Variants in LRP2 observed in about 807,000 individuals in gnomAD.
The protein encoded by LRP2 is LDL receptor related protein 2, also known as low-density lipoprotein receptor-related protein 2.
LRP2 carries 172 observed loss-of-function variants against 531.0 expected under a neutral mutation model. That is an observed-to-expected ratio of 0.32 (90% CI 0.29 to 0.37). LRP2 has a LOEUF of 0.37. Among genes scored for constraint, LRP2 ranks in the 10% least tolerant of loss-of-function variants. LRP2 has a pLI of 1.00. For synonymous variants in LRP2, 1,992 were observed against 2,027.6 expected, an observed-to-expected ratio of 0.98 and a Z score of 0.47; for missense variants, 5,167 against 5,868.3, an observed-to-expected ratio of 0.88 and a Z score of 3.90.
chr2:169,293,632 G>A (rs546413471), intron 6 of LRP2, among the ~76,000 whole-genome samples: 46 of 152,152 alleles, frequency 3.0e-4, no homozygotes, highest in South Asian at 1.0e-3. Context: ...CCGAGATCGC[G>A]CCACTGTACT....
At chr2:169,266,316 C>T (rs1204936734) in intron 16 of LRP2, among the ~76,000 whole-genome samples, 2 of 151,668 alleles carry the variant, frequency 1.3e-5, no homozygotes, top group African/African-American at 4.8e-5. Flanking sequence ...AACATGGAGA[C>T]AAACAAAAGA....
intron 65 of LRP2, 147 bp downstream of exon 65, chr2:169,156,127 G>A: frequency 1.0e-6 from 1 of 962,828 alleles, no homozygotes; most frequent in Non-Finnish European, 1.6e-6. Context: ...CGACTAAAGA[G>A]GTGTTGGAAG....
chr2:169,261,749 C>T (rs983424966), intron 16 of LRP2, among the ~76,000 whole-genome samples: 6 of 152,046 alleles, frequency 3.9e-5, no homozygotes, highest in African/African-American at 1.4e-4. Flanking sequence ...TTTTATGAGG[C>T]CAGCATCATC....
At chr2:169,156,171 A>G in intron 65 of LRP2, 103 bp downstream of exon 65, 1 of 1,522,166 alleles carries the variant, frequency 6.6e-7, no homozygotes, top group Non-Finnish European at 9.0e-7. Context: ...AAAAAGAAAG[A>G]AAAGAAAAAC....
Position 169,338,409 on chromosome 2 carries a change from A to AAAGAAAG in LRP2, c.80-17526_80-17525insCTTTCTT, listed in dbSNP as rs1165724071. On this transcript the variant is annotated intron_variant, in intron 1 of 78. Transcript: ENST00000649046. ...GAAAGAAAGAAAGAAAGAAAGAAAG[A>AAAGAAAG]AAAGAAAAGAAAAGAAAAAAGGAGG... Among the ~76,000 whole-genome samples the AAAGAAAG allele has an allele frequency of 1.2e-3, 124 of 100,878 alleles. 1 individual carries two copies. Among genetic ancestry groups the AAAGAAAG allele is most frequent in the Admixed American group, 3.7e-3 (38 of 10,404 alleles). 66.2% of individuals were successfully genotyped at this position (100,878 alleles called of 152,430 possible). A position where few individuals can be genotyped will look rare whatever the true frequency, so the allele number is the denominator to read the frequency against.
chr2:169,154,415 T>C (rs1474480698), intron 66 of LRP2, 45 bp downstream of exon 66: 2 of 1,569,902 alleles, frequency 1.3e-6, no homozygotes, highest in African/African-American at 2.7e-5. Context: ...TAAAATTCTA[T>C]AAAGTCACTT....
chr2:169,187,863 G>C, intron 49 of LRP2, 107 bp downstream of exon 49: 4 of 1,214,254 alleles, frequency 3.3e-6, no homozygotes, highest in Non-Finnish European at 2.4e-6. Flanking sequence ...TGATTTTATG[G>C]TAACTTTGTA....
At chr2:169,227,379 C>T (rs1689238628) in intron 31 of LRP2, among the ~76,000 whole-genome samples, 1 of 152,176 alleles carries the variant, frequency 6.6e-6, no homozygotes, top group Non-Finnish European at 1.5e-5. Context: ...TTTAAACATT[C>T]CCATAATATC....
intron 15 of LRP2, among the ~76,000 whole-genome samples, chr2:169,272,041 T>C (rs1294663934): frequency 1.3e-5 from 2 of 152,120 alleles, no homozygotes; most frequent in Non-Finnish European, 2.9e-5. Flanking sequence ...GAAATACATG[T>C]TGTTTTTAAT....
At chr2:169,191,758 G>T in intron 48 of LRP2, 74 bp downstream of exon 48, 3 of 1,278,710 alleles carry the variant, frequency 2.3e-6, no homozygotes, top group Non-Finnish European at 2.3e-6. Context: ...GCCACGGGGT[G>T]CCTGATAGGT....
chr2:169,148,792 T>C (rs536280383), intron 68 of LRP2, among the ~76,000 whole-genome samples: 26 of 152,344 alleles, frequency 1.7e-4, no homozygotes, highest in East Asian at 3.9e-4. Flanking sequence ...CCTGAGCTTC[T>C]GAACAGCCGG....
chr2:169,265,116 T>C (rs1053981163), intron 16 of LRP2, among the ~76,000 whole-genome samples: 10 of 140,872 alleles, frequency 7.1e-5, no homozygotes, highest in African/African-American at 1.9e-4. Context: ...ACCACCATCT[T>C]CCCACATCTT....
chr2:169,146,798 T>C lies in LRP2; in HGVS notation c.12752A>G (p.Glu4251Gly), dbSNP rs753902178. 5.0e-6 allele frequency: 8 copies of C among 1,614,210 alleles called. No individual in the cohort carries two copies. Among genetic ancestry groups the C allele is most frequent in the Non-Finnish European group, 6.8e-6 (8 of 1,180,014 alleles). The change falls in exon 69 of 79, where the codon GAG becomes GGG. Residue 4251 changes from glutamate (E) to glycine (G), a missense_variant. Glu to Gly is a moderately conservative substitution (Grantham distance 98). This residue lies in a region of LRP2 where 564 missense variants were observed against 747.7 expected (regional missense o/e 0.75). Transcript: ENST00000649046. ...ATATTTTATGGTTTCAATAACGTCC[T>C]CCTTGAAGTCACTCCAGTAGATTCG... ...NDRIYWSDFK[E>G]DVIETIKYDG...
Position 169,290,868 on chromosome 2 carries a change from T to G in LRP2, c.899A>C (p.Asn300Thr), listed in dbSNP as rs1230155054. 5.0e-6 allele frequency: 8 copies of G among 1,614,042 alleles called. No individual in the cohort carries two copies. Among genetic ancestry groups the G allele is most frequent in the Non-Finnish European group, 6.8e-6 (8 of 1,180,024 alleles). The change falls in exon 8 of 79, where the codon AAC becomes ACC. Residue 300 changes from asparagine (N) to threonine (T), a missense_variant. By Grantham distance (65) the Asn-to-Thr change is moderately conservative. Around this residue, in one of 6 missense-constraint regions of LRP2, gnomAD observed 2,811 missense variants for 3,058.0 expected, o/e 0.92. Transcript: ENST00000649046. ...LDCPGREDEN[N>T]TSTGKYCSMT... The stretch of plus-strand genomic sequence containing the variant: ...ACTACAGTATTTTCCGGTACTAGTG[T>G]TGTTTTCATCTTCTCTTCCTGGGCA...
At chr2:169,343,001 G>A (rs891760138) in intron 1 of LRP2, among the ~76,000 whole-genome samples, 1 of 152,156 alleles carries the variant, frequency 6.6e-6, no homozygotes, top group African/African-American at 2.4e-5. Context: ...ACAAAATCAA[G>A]TGCTCCTCTT....
intron 38 of LRP2, among the ~76,000 whole-genome samples, 184 bp downstream of exon 38, chr2:169,209,269 A>G (rs966578354): frequency 6.6e-6 from 1 of 152,236 alleles, no homozygotes; most frequent in Non-Finnish European, 1.5e-5. Context: ...AAATCTGTAA[A>G]CTGAAACACC....
intron 2 of LRP2, 126 bp from the exon 3 acceptor site, chr2:169,319,010 A>G: frequency 8.4e-7 from 1 of 1,192,136 alleles, no homozygotes; most frequent in Non-Finnish European, 1.2e-6. Context: ...CAAATAGTAA[A>G]CAACCCTTAT....
At chr2:169,170,777 A>C in intron 58 of LRP2, 110 bp from the exon 59 acceptor site, 1 of 801,490 alleles carries the variant, frequency 1.2e-6, no homozygotes. Context: ...CTGTGTCCCA[A>C]GCCCCAGAGG....
chr2:169,328,450 A>AAAG (rs1385431632), intron 1 of LRP2, among the ~76,000 whole-genome samples: 7 of 142,328 alleles, frequency 4.9e-5, no homozygotes, highest in East Asian at 2.0e-4. Flanking sequence ...ATAAAAAAAA[A>AAAG]AAAAAAAAAA....
Sources: allele counts gnomAD v4.1 joint callset (sites outside exome capture counted in the v4.1 genomes callset), GRCh38; gene constraint gnomAD v4.1.1; regional missense constraint gnomAD v4.1.1; transcripts MANE v1.5; gene names NCBI Gene and HGNC (gene_info 2026-07-23, HGNC 2026-07-21).